Variants in SCHIP1 observed in about 807,000 individuals in gnomAD.
The protein encoded by SCHIP1 is schwannomin interacting protein 1, also known as schwannomin-interacting protein 1.
Under a neutral mutation model 29.7 loss-of-function variants are expected in SCHIP1, and 8 were observed. The observed-to-expected ratio is 0.27, with a 90% CI of 0.16 to 0.49. The LOEUF is 0.49. SCHIP1 is among the 20% of genes least tolerant of loss of function. The probability of loss-of-function intolerance (pLI) is 0.99; values close to 1 mark genes in which losing one functional copy is unlikely to be tolerated. For missense variants in SCHIP1, 193 were observed against 294.6 expected (o/e 0.66, Z 2.52); for synonymous variants, 76 against 94.9 (o/e 0.80, Z 1.16).
At chr3:159,722,550 C>T in the SCHIP1 span, 1 of 152,116 alleles carries the variant, frequency 6.6e-6, no homozygotes, top group African/African-American at 2.4e-5. Context: ...TTTATTTCCC[C>T]AATTGTTTAA....
chr3:159,507,206 G>A, the SCHIP1 span, among the ~76,000 whole-genome samples: 1 of 152,026 alleles, frequency 6.6e-6, no homozygotes, highest in Admixed American at 6.6e-5. Context: ...TGAATTCCTA[G>A]GTATTTTATT....
chr3:159,896,331 C>T (rs1020514195), intron 6 of SCHIP1, among the ~76,000 whole-genome samples: 2 of 152,156 alleles, frequency 1.3e-5, no homozygotes, highest in Non-Finnish European at 2.9e-5. Flanking sequence ...CCTTTCTTGT[C>T]TCATATTCCC....
At chr3:159,668,254 G>C in the SCHIP1 span, among the ~76,000 whole-genome samples, 1 of 152,042 alleles carries the variant, frequency 6.6e-6, no homozygotes, top group Non-Finnish European at 1.5e-5. Context: ...GCAGGCGCCT[G>C]TAGTCCCAGC....
chr3:159,680,026 T>G, the SCHIP1 span, among the ~76,000 whole-genome samples: 1 of 151,982 alleles, frequency 6.6e-6, no homozygotes, highest in Non-Finnish European at 1.5e-5. Flanking sequence ...CTGCTGTGCT[T>G]TATTTATCTC....
At chr3:159,551,058 T>C in the SCHIP1 span, among the ~76,000 whole-genome samples, 1 of 152,168 alleles carries the variant, frequency 6.6e-6, no homozygotes, top group African/African-American at 2.4e-5. Context: ...TGAAGTCTAG[T>C]CTACAGATCC....
chr3:159,409,590 T>C, the SCHIP1 span, among the ~76,000 whole-genome samples: 1 of 151,932 alleles, frequency 6.6e-6, no homozygotes, highest in African/African-American at 2.4e-5. Flanking sequence ...AAGTAAAATA[T>C]CTTTACAATG....
At chr3:159,391,215 G>C in the SCHIP1 span, among the ~76,000 whole-genome samples, 2 of 152,146 alleles carry the variant, frequency 1.3e-5, no homozygotes, top group East Asian at 1.9e-4. Context: ...TAAAGATCCA[G>C]TTCTCCTAGA....
chr3:159,274,161 G>A, the SCHIP1 span: 1 of 985,272 alleles, frequency 1.0e-6, no homozygotes, highest in Non-Finnish European at 1.2e-6. Context: ...TAATTGCATT[G>A]CAGTGGACTT....
At chr3:159,290,274 T>C in the SCHIP1 span, among the ~76,000 whole-genome samples, 1 of 152,180 alleles carries the variant, frequency 6.6e-6, no homozygotes, top group Non-Finnish European at 1.5e-5. Flanking sequence ...AAGGAATATA[T>C]AGTATTCTAC....
chr3:159,300,590 T>G, the SCHIP1 span, among the ~76,000 whole-genome samples: 2,420 of 152,290 alleles, frequency 0.016, 53 homozygotes, highest in African/African-American at 0.056. Context: ...AACTGAACTC[T>G]TAACATTTTC....
chr3:159,495,179 C>A, the SCHIP1 span, among the ~76,000 whole-genome samples: 328 of 152,312 alleles, frequency 2.2e-3, 3 homozygotes, highest in African/African-American at 7.1e-3. Flanking sequence ...TGGAAGCATT[C>A]CCTTTGAAAA....
the SCHIP1 span, among the ~76,000 whole-genome samples, chr3:159,717,316 A>C: frequency 6.6e-6 from 1 of 152,238 alleles, no homozygotes; most frequent in Admixed American, 6.5e-5. Context: ...ATCACAATTA[A>C]AAGAACTGGA....
At chr3:159,500,705 TC>T in the SCHIP1 span, among the ~76,000 whole-genome samples, 2 of 149,214 alleles carry the variant, frequency 1.3e-5, no homozygotes, top group African/African-American at 5.0e-5. Context: ...AGAGCGAGAC[TC>T]TGTCTCAAAA....
exon 7 of SCHIP1, chr3:159,896,867 T>C (rs953371920): frequency 1.1e-5 from 15 of 1,312,354 alleles, no homozygotes; most frequent in Middle Eastern, 1.9e-4. Context: ...GAAACAAATA[T>C]CAGTGTTAGT....
chr3:159,369,116 G>T, the SCHIP1 span, among the ~76,000 whole-genome samples: 4 of 152,118 alleles, frequency 2.6e-5, no homozygotes, highest in African/African-American at 4.8e-5. Flanking sequence ...TTTACCTTAA[G>T]ACAGAGAGCC....
At chr3:159,335,205 C>T in the SCHIP1 span, among the ~76,000 whole-genome samples, 1 of 152,242 alleles carries the variant, frequency 6.6e-6, no homozygotes, top group South Asian at 2.1e-4. Context: ...CCTTGGGGCA[C>T]TCTGAAAACT....
the SCHIP1 span, among the ~76,000 whole-genome samples, chr3:159,735,287 T>G: frequency 1.3e-5 from 2 of 151,044 alleles, no homozygotes; most frequent in African/African-American, 2.5e-5. Context: ...TGGAGTGCAG[T>G]GGTGTTATCT....
the SCHIP1 span, among the ~76,000 whole-genome samples, chr3:159,626,199 GATAGATAGATATATCTAGATATATATAT>G: frequency 9.1e-6 from 1 of 110,174 alleles, no homozygotes; most frequent in Non-Finnish European, 1.6e-5. Context: ...TAGATAGATA[GATAGATAGATATATCTAGATATATATAT>G]ATCTAGATAT....
chr3:159,711,942 T>TTGCTGCTGCTGCTGC, the SCHIP1 span, among the ~76,000 whole-genome samples: 1 of 151,298 alleles, frequency 6.6e-6, no homozygotes, highest in South Asian at 2.1e-4. Flanking sequence ...TAGGAAGATA[T>TTGCTGCTGCTGCTGC]TGCTGCTGCT....
Sources: gnomAD v4.1 joint callset for allele counts (sites outside exome capture counted in the v4.1 genomes callset) on GRCh38, gnomAD v4.1.1 for gene constraint, MANE v1.5 for transcripts, NCBI Gene and HGNC (gene_info 2026-07-23, HGNC 2026-07-21) for gene names.